ADK: variants seen among roughly 807,000 people sequenced by gnomAD.
The protein encoded by ADK is N6,N6-dimethyladenosine kinase.
Under a neutral mutation model 44.7 loss-of-function variants are expected in ADK, and 24 were observed. The observed-to-expected ratio is 0.54, with a 90% CI of 0.39 to 0.76. The LOEUF (loss-of-function observed/expected upper bound fraction) is 0.76. Ranked by LOEUF, ADK falls within the 30% of genes least tolerant of loss-of-function variation. The pLI, the probability that ADK is intolerant of heterozygous loss-of-function variation, is 0.00. For synonymous variants in ADK, 128 were observed against 142.6 expected (o/e 0.90, Z 0.73); for missense variants, 321 against 425.1 (o/e 0.76, Z 2.15).
chr10:74,267,754 T>TTGTGTG lies in ADK; in HGVS notation c.194+43197_194+43202dup, dbSNP rs372502769. Reference sequence around the variant, plus strand: ...ATCAGCTATTGGCTTATATCCTTATTTGTGTGTGTGTGTGTGTGTGTGTGT... The same window carrying TTGTGTG: ...ATCAGCTATTGGCTTATATCCTTATTTGTGTGTGTGTGTGTGTGTGTGTGTGTGTGT... On this transcript the variant is annotated intron_variant, in intron 3 of 10. Coordinates refer to ENST00000539909, the MANE Select transcript of ADK (RefSeq NM_006721.4). 6.0e-3 allele frequency among the ~76,000 whole-genome samples: 801 copies of TTGTGTG among 132,814 alleles called. 8 individuals are homozygous for TTGTGTG. The highest frequency in any genetic ancestry group is 0.013 in the African/African-American group (449 of 35,374). 87.1% of individuals were successfully genotyped at this position (132,814 alleles called of 152,430 possible).
intron 2 of ADK, among the ~76,000 whole-genome samples, chr10:74,214,934 G>A (rs980073868): frequency 6.6e-6 from 1 of 152,090 alleles, no homozygotes; most frequent in Non-Finnish European, 1.5e-5. Context: ...TAAGTGGCTT[G>A]CCCAGTTCAG....
chr10:74,259,502 G>C (rs558834410), intron 3 of ADK, among the ~76,000 whole-genome samples: 1 of 143,770 alleles, frequency 7.0e-6, no homozygotes, highest in Admixed American at 7.1e-5. Flanking sequence ...TGTCACCCAG[G>C]CTGGAGTGCA....
intron 1 of ADK, among the ~76,000 whole-genome samples, chr10:74,155,735 G>A (rs1002177193): frequency 4.6e-5 from 7 of 152,038 alleles, no homozygotes; most frequent in African/African-American, 1.4e-4. Context: ...TAGTAGAGAC[G>A]TGTTAGCCGG....
Position 74,387,764 on chromosome 10 carries a change from T to C in ADK, c.274-6377T>C, listed in dbSNP as rs376098917. 1.3e-3 allele frequency among the ~76,000 whole-genome samples: 192 copies of C among 152,358 alleles called. 1 individual carries two copies. The South Asian group carries it at 0.014, about 11-fold the overall frequency. Reference sequence around the variant, plus strand: ...ACCAATAGTGGCCGTGGTTTTCCTATTCCTCCAGTTAGGTATAATTACTTA... The same window carrying C: ...ACCAATAGTGGCCGTGGTTTTCCTACTCCTCCAGTTAGGTATAATTACTTA... On this transcript the variant is annotated intron_variant, in intron 4 of 10. Coordinates refer to ENST00000539909, the MANE Select transcript of ADK (RefSeq NM_006721.4).
chr10:74,253,604 G>A (rs914809977), intron 3 of ADK, among the ~76,000 whole-genome samples: 2 of 152,006 alleles, frequency 1.3e-5, no homozygotes, highest in African/African-American at 2.4e-5. Context: ...GAGAAACATC[G>A]TTTAAGTGTT....
chr10:74,653,345 G>C (rs11001096), intron 9 of ADK, among the ~76,000 whole-genome samples: 4 of 151,886 alleles, frequency 2.6e-5, no homozygotes, highest in Non-Finnish European at 5.9e-5. Context: ...CCAGCTACAC[G>C]GGAGGGTAAG....
intron 3 of ADK, among the ~76,000 whole-genome samples, chr10:74,244,459 A>T (rs1364790748): frequency 1.3e-5 from 2 of 152,222 alleles, no homozygotes; most frequent in African/African-American, 4.8e-5. Flanking sequence ...TATCTTGATA[A>T]AGGTAAAGAT....
At position 74,303,588 on chromosome 10, in the gene ADK, G is replaced by GTTTTTTTTTTTTTTTTTTTTTTTTTTTTT. The variant is rs1185036462; in HGVS notation, c.195-11053_195-11052insTTTTTTTTTTTTTTTTTTTTTTTTTTTTT. Among the ~76,000 whole-genome samples the GTTTTTTTTTTTTTTTTTTTTTTTTTTTTT allele has an allele frequency of 2.9e-4, 20 of 68,576 alleles. 1 individual carries two copies. Among genetic ancestry groups the GTTTTTTTTTTTTTTTTTTTTTTTTTTTTT allele is most frequent in the East Asian group, 2.3e-3 (5 of 2,178 alleles). 45.0% of individuals were successfully genotyped at this position (68,576 alleles called of 152,430 possible). ...CACTTTTCATATTGGTTTTAATGTT[G>GTTTTTTTTTTTTTTTTTTTTTTTTTTTTT]TTTTTTTTTTTTTTTTTTTTTTTTT... is the stretch of plus-strand genomic sequence containing the variant. On this transcript the variant is annotated intron_variant, in intron 3 of 10. Coordinates refer to ENST00000539909, the MANE Select transcript of ADK (RefSeq NM_006721.4).
chr10:74,469,392 C>G (rs1846476759), intron 6 of ADK, among the ~76,000 whole-genome samples: 1 of 152,170 alleles, frequency 6.6e-6, no homozygotes, highest in African/African-American at 2.4e-5. Context: ...TAGGGTCTCA[C>G]TGTGTCACCC....
At chr10:74,261,136 G>A (rs1400631875) in intron 3 of ADK, among the ~76,000 whole-genome samples, 2 of 152,128 alleles carry the variant, frequency 1.3e-5, no homozygotes, top group African/African-American at 4.8e-5. Flanking sequence ...TAGTGACTAT[G>A]TAAGTATTGA....
At chr10:74,592,574 T>C (rs1323633364) in intron 8 of ADK, among the ~76,000 whole-genome samples, 1 of 152,128 alleles carries the variant, frequency 6.6e-6, no homozygotes, top group African/African-American at 2.4e-5. Flanking sequence ...AAGTAATAAA[T>C]TTTAGATTTT....
At chr10:74,329,007 G>A (rs1363394212) in intron 4 of ADK, among the ~76,000 whole-genome samples, 2 of 145,774 alleles carry the variant, frequency 1.4e-5, no homozygotes, top group South Asian at 2.3e-4. Context: ...GTATACATAT[G>A]TAACTAACCT....
intron 2 of ADK, among the ~76,000 whole-genome samples, chr10:74,224,168 A>G (rs928399284): frequency 6.6e-6 from 1 of 152,218 alleles, no homozygotes; most frequent in Non-Finnish European, 1.5e-5. Context: ...AGCCTGGTTC[A>G]CAGTATATGA....
chr10:74,537,164 C>T (rs73274155), intron 7 of ADK, among the ~76,000 whole-genome samples: 4,515 of 152,238 alleles, frequency 0.03, 193 homozygotes, highest in African/African-American at 0.091. Flanking sequence ...TGGCATCTCA[C>T]TTTGGTTTTG....
At chr10:74,513,691 A>G (rs1363695250) in intron 6 of ADK, among the ~76,000 whole-genome samples, 1 of 152,036 alleles carries the variant, frequency 6.6e-6, no homozygotes, top group Non-Finnish European at 1.5e-5. Context: ...TTCAGCTAGT[A>G]TGTATCTTTT....
At chr10:74,417,474 T>A (rs185145341) in intron 6 of ADK, among the ~76,000 whole-genome samples, 139 of 152,314 alleles carry the variant, frequency 9.1e-4, no homozygotes, top group Non-Finnish European at 1.5e-3. Flanking sequence ...GGAAGTTTTT[T>A]AATATAGTAT....
chr10:74,274,288 G>A (rs565127699), intron 3 of ADK, among the ~76,000 whole-genome samples: 9 of 152,144 alleles, frequency 5.9e-5, no homozygotes, highest in Non-Finnish European at 1.0e-4. Context: ...ATGGCCGGGC[G>A]TGGTAGCTCA....
chr10:74,424,876 A>C (rs1164567928), intron 6 of ADK, among the ~76,000 whole-genome samples: 1 of 152,116 alleles, frequency 6.6e-6, no homozygotes, highest in African/African-American at 2.4e-5. Flanking sequence ...AGTTTACTTT[A>C]TCATTTTGAT....
intron 1 of ADK, among the ~76,000 whole-genome samples, chr10:74,182,771 C>A (rs1231893827): frequency 6.6e-6 from 1 of 152,186 alleles, no homozygotes; most frequent in Admixed American, 6.5e-5. Context: ...ATCTTTCCAG[C>A]CACAATATTG....
Sources: allele counts gnomAD v4.1 joint callset (sites outside exome capture counted in the v4.1 genomes callset), GRCh38; gene constraint gnomAD v4.1.1; transcripts MANE v1.5; gene names NCBI Gene and HGNC (gene_info 2026-07-23, HGNC 2026-07-21).